The following PNPLA4 variants were observed in gnomAD, a reference collection of about 807,000 sequenced individuals.
The protein encoded by PNPLA4 is patatin-like phospholipase domain-containing protein 4.
A neutral mutation model predicts 18.3 loss-of-function variants in PNPLA4; 15 were observed. The ratio of observed to expected loss-of-function variants is 0.82; its 90% CI spans 0.55 to 1.26. The LOEUF is 1.26. Among genes scored for constraint, PNPLA4 ranks in the 50% most tolerant of loss-of-function variants. The pLI, the probability that PNPLA4 is intolerant of heterozygous loss-of-function variation, is 0.00. For missense variants in PNPLA4, 229 were observed against 196.8 expected (o/e 1.16, Z -0.98); for synonymous variants, 88 against 85.6 (o/e 1.03, Z -0.16).
intron 2 of PNPLA4, among the ~76,000 whole-genome samples, chrX:7,925,282 G>A (rs1203337582): frequency 8.9e-6 from 1 of 112,394 alleles, no homozygotes; most frequent in African/African-American, 3.2e-5. Flanking sequence ...AAAGCTGCTA[G>A]AGTACGTAAT....
chrX:7,903,062 C>T (rs1400518795), intron 5 of PNPLA4, among the ~76,000 whole-genome samples: 1 of 111,592 alleles, frequency 9.0e-6, no homozygotes, highest in Non-Finnish European at 1.9e-5. Context: ...AGTCTGGTAA[C>T]AGTTGAAAGT....
intron 4 of PNPLA4, among the ~76,000 whole-genome samples, chrX:7,914,622 A>G (rs1465318041): frequency 3.6e-5 from 4 of 112,566 alleles, no homozygotes; most frequent in South Asian, 3.7e-4. Context: ...ATATTGTGAA[A>G]TTACAGTACT....
At chrX:7,913,186 C>T (rs1923931360) in intron 4 of PNPLA4, among the ~76,000 whole-genome samples, 1 of 112,072 alleles carries the variant, frequency 8.9e-6, no homozygotes, top group African/African-American at 3.2e-5. Context: ...CTTTCTTATG[C>T]AGTGGTTCTT....
At chrX:7,901,887 A>G in intron 6 of PNPLA4, 102 bp downstream of exon 6, 1 of 827,866 alleles carries the variant, frequency 1.2e-6, no homozygotes, top group Non-Finnish European at 1.8e-6. Context: ...ACTCCTACCT[A>G]CAATTATCAA....
At chrX:7,923,849 G>A (rs1924311016) in intron 2 of PNPLA4, among the ~76,000 whole-genome samples, 1 of 110,676 alleles carries the variant, frequency 9.0e-6, no homozygotes. Flanking sequence ...CTGCCCCGGG[G>A]GTAATGAGGT....
At chrX:7,924,386 A>C (rs756164333) in intron 2 of PNPLA4, among the ~76,000 whole-genome samples, 2 of 112,434 alleles carry the variant, frequency 1.8e-5, no homozygotes, top group South Asian at 3.7e-4. Flanking sequence ...GCTAAAAAAA[A>C]CTCAAGGCTA....
chrX:7,914,284 C>A (rs1205769874), intron 4 of PNPLA4, among the ~76,000 whole-genome samples: 1 of 111,679 alleles, frequency 9.0e-6, no homozygotes, highest in Non-Finnish European at 1.9e-5. Context: ...AGAGGCAAAG[C>A]AGGAGTGAGT....
intron 4 of PNPLA4, among the ~76,000 whole-genome samples, chrX:7,916,343 C>T (rs945645317): frequency 6.3e-5 from 7 of 110,956 alleles, no homozygotes; most frequent in African/African-American, 2.3e-4. Flanking sequence ...ATCTGGAACT[C>T]GAAATGAATG....
chrX:7,921,954 C>G (rs746856537), intron 3 of PNPLA4, 50 bp downstream of exon 3: 7 of 1,122,088 alleles, frequency 6.2e-6, no homozygotes, highest in Non-Finnish European at 8.6e-6. Context: ...TACAGAGAGT[C>G]GTCAACATTC....
At chrX:7,908,313 A>C (rs1175067726) in intron 5 of PNPLA4, among the ~76,000 whole-genome samples, 1 of 111,420 alleles carries the variant, frequency 9.0e-6, no homozygotes, top group Non-Finnish European at 1.9e-5. Context: ...CACTTTCGTC[A>C]CTTCAGAAAA....
At chrX:7,911,981 A>G (rs369411245) in intron 5 of PNPLA4, 47 bp downstream of exon 5, 14 of 868,577 alleles carry the variant, frequency 1.6e-5, no homozygotes, top group Non-Finnish European at 2.2e-5. Flanking sequence ...CAAAAGAAAC[A>G]TATTAATATA....
rs772936057 is a variant in PNPLA4 at position 7,900,234 on chromosome X, C to G, written c.*452G>C. The G allele has an allele frequency of 8.7e-6, 1 of 114,653 alleles. No individual in the cohort carries two copies. Among genetic ancestry groups the G allele is most frequent in the Non-Finnish European group, 1.8e-5 (1 of 55,041 alleles). 9.4% of individuals were successfully genotyped at this position (114,653 alleles called of 1,213,427 possible). ...TCCAGTCCTGATCAAAGGTCTTTAA[C>G]CATGAGTTGCCTATTTCTCAAATCC... On this transcript the variant is annotated 3_prime_UTR_variant, in exon 7 of 7. Coordinates refer to ENST00000381042, the MANE Select transcript of PNPLA4 (RefSeq NM_004650.3).
chrX:7,912,236 G>T, intron 4 of PNPLA4, 143 bp from the exon 5 acceptor site: 1 of 383,048 alleles, frequency 2.6e-6, no homozygotes, highest in Admixed American at 3.9e-5. Context: ...TTACATAAAA[G>T]ATAACACTTT....
At chrX:7,921,662 TTGAAATCAGCACTTGC>T in intron 4 of PNPLA4, 35 bp downstream of exon 4, 1 of 1,081,445 alleles carries the variant, frequency 9.2e-7, no homozygotes, top group East Asian at 3.0e-5. Context: ...ATATGAAGTA[TTGAAATCAGCACTTGC>T]TGATTTCTTC....
intron 4 of PNPLA4, among the ~76,000 whole-genome samples, chrX:7,914,408 T>A (rs1601647955): frequency 8.9e-6 from 1 of 111,854 alleles, no homozygotes; most frequent in East Asian, 2.8e-4. Flanking sequence ...ATGACATCAT[T>A]GGCTTCAGAG....
intron 4 of PNPLA4, among the ~76,000 whole-genome samples, chrX:7,917,997 G>A (rs1243016718): frequency 2.7e-5 from 3 of 112,285 alleles, no homozygotes; most frequent in Non-Finnish European, 5.6e-5. Context: ...GAATAAATGA[G>A]TTAATGATAA....
chrX:7,918,327 T>C (rs1387425468), intron 4 of PNPLA4, among the ~76,000 whole-genome samples: 2 of 111,807 alleles, frequency 1.8e-5, no homozygotes, highest in African/African-American at 3.3e-5. Context: ...ACGTTTTACA[T>C]GGCAGCAGGC....
intron 6 of PNPLA4, among the ~76,000 whole-genome samples, chrX:7,901,696 AT>A (rs1923539791): frequency 8.9e-6 from 1 of 111,938 alleles, no homozygotes; most frequent in Non-Finnish European, 1.9e-5. Flanking sequence ...GGCGTGGTGC[AT>A]GTCTGTAATC....
intron 6 of PNPLA4, 145 bp from the exon 7 acceptor site, chrX:7,900,962 C>A: frequency 2.2e-6 from 1 of 447,729 alleles, no homozygotes; most frequent in Non-Finnish European, 3.7e-6. Context: ...TCAGAAGTTA[C>A]CTCCACTGAT....
Sources: allele counts gnomAD v4.1 joint callset (sites outside exome capture counted in the v4.1 genomes callset), GRCh38; gene constraint gnomAD v4.1.1; transcripts MANE v1.5; gene names NCBI Gene and HGNC (gene_info 2026-07-23, HGNC 2026-07-21).